VSIG1: variants seen among roughly 807,000 people sequenced by gnomAD.
The protein encoded by VSIG1 is V-set and immunoglobulin domain-containing protein 1.
A neutral mutation model predicts 20.1 loss-of-function variants in VSIG1; 11 were observed. The observed-to-expected ratio is 0.55, with a 90% confidence interval of 0.34 to 0.91. The LOEUF is 0.91. VSIG1 is among the 40% of genes least tolerant of loss of function. The pLI is 0.02. For missense variants in VSIG1, 283 were observed against 298.8 expected, an observed-to-expected ratio of 0.95 and a Z score of 0.39; for synonymous variants, 126 against 116.7, an observed-to-expected ratio of 1.08 and a Z score of -0.52.
At chrX:108,031,185 A>G in the VSIG1 span, among the ~76,000 whole-genome samples, 1 of 112,008 alleles carries the variant, frequency 8.9e-6, no homozygotes, top group East Asian at 2.8e-4. Flanking sequence ...GGAGCATGAA[A>G]TCAGGGAAGG....
At position 108,047,951 on chromosome X, in the gene VSIG1, TATACAC is replaced by T. The variant is rs1294857066; in HGVS notation, c.49+2774_49+2779del. 2.6e-3 allele frequency among the ~76,000 whole-genome samples: 49 copies of T among 18,762 alleles called. 4 individuals carry two copies. Among genetic ancestry groups the T allele is most frequent in the African/African-American group, 0.015 (47 of 3,132 alleles). The allele number at this position is 18,762 out of a possible 115,157, so 16.3% of individuals were successfully genotyped here. A position where few individuals can be genotyped will look rare whatever the true frequency, so the allele number is the denominator to read the frequency against. On this transcript the variant is annotated intron_variant, in intron 1 of 6. Transcript: ENST00000217957. ...ATATATATACACATATATATATATATATACACACACATATATATATATATATATATA... is the reference window on the plus strand; with the variant it reads ...ATATATATACACATATATATATATATACACATATATATATATATATATATA...
chrX:108,023,282 A>G, the VSIG1 span, among the ~76,000 whole-genome samples: 2 of 111,914 alleles, frequency 1.8e-5, no homozygotes, highest in Non-Finnish European at 3.8e-5. Context: ...GTTTTCATAC[A>G]CTGAACTAAC....
At chrX:108,060,004 G>A (rs2030989920) in intron 2 of VSIG1, among the ~76,000 whole-genome samples, 1 of 111,811 alleles carries the variant, frequency 8.9e-6, no homozygotes. Flanking sequence ...TGTGTGTCTA[G>A]TGAGGAACTG....
At chrX:108,031,566 G>C in the VSIG1 span, among the ~76,000 whole-genome samples, 190 of 111,831 alleles carry the variant, frequency 1.7e-3, 1 homozygote, top group African/African-American at 6.0e-3. Context: ...AGCCATGTGG[G>C]CCTGCTGGGG....
At position 108,051,909 on chromosome X, in the gene VSIG1, C is replaced by G. The variant is rs922420668; in HGVS notation, c.50-6129C>G. Among the ~76,000 whole-genome samples the G allele has an allele frequency of 3.6e-5, 4 of 111,809 alleles. No individual in the cohort carries two copies. The South Asian group carries it at 1.1e-3, about 31-fold the overall frequency. ...CACAGAAAGACAAACACCACATAATCTCACTTATATGTGAGATCTAAAAGA... is the reference window on the plus strand; with the variant it reads ...CACAGAAAGACAAACACCACATAATGTCACTTATATGTGAGATCTAAAAGA... On this transcript the variant is annotated intron_variant, in intron 1 of 6. Coordinates refer to ENST00000217957, the MANE Select transcript of VSIG1 (RefSeq NM_182607.5).
At chrX:108,027,219 CA>C in the VSIG1 span, among the ~76,000 whole-genome samples, 1 of 111,651 alleles carries the variant, frequency 9.0e-6, no homozygotes, top group African/African-American at 3.2e-5. Flanking sequence ...AAATCCTATG[CA>C]TAAATGTTCA....
chrX:108,024,026 G>T, the VSIG1 span, among the ~76,000 whole-genome samples: 9 of 111,567 alleles, frequency 8.1e-5, no homozygotes, highest in South Asian at 3.4e-3. Context: ...TGGATTGCAG[G>T]GGAGATGTTG....
chrX:108,072,920 C>A, intron 4 of VSIG1, 88 bp downstream of exon 4: 1 of 969,128 alleles, frequency 1.0e-6, no homozygotes, highest in Non-Finnish European at 1.4e-6. Flanking sequence ...CTTGACCTTA[C>A]AGTTCAATCT....
intron 2 of VSIG1, among the ~76,000 whole-genome samples, chrX:108,061,831 T>G (rs1311516481): frequency 9.1e-6 from 1 of 110,133 alleles, no homozygotes; most frequent in Admixed American, 9.6e-5. Flanking sequence ...GATTAGCAAT[T>G]GACTCTGAGG....
the VSIG1 span, among the ~76,000 whole-genome samples, chrX:108,030,945 G>A: frequency 8.9e-6 from 1 of 112,277 alleles, no homozygotes. Context: ...AAAGTTTCAA[G>A]CAAGGAAAAA....
chrX:108,028,788 C>A, the VSIG1 span, among the ~76,000 whole-genome samples: 5 of 111,279 alleles, frequency 4.5e-5, no homozygotes, highest in African/African-American at 1.6e-4. Flanking sequence ...AAGAGATAAG[C>A]GAAGGGTTAG....
chrX:108,061,499 A>G, intron 2 of VSIG1: 1 of 1,167,178 alleles, frequency 8.6e-7, no homozygotes. Context: ...TGACGCACGC[A>G]AGAGACGCTC....
chrX:108,069,173 T>C (rs1025616458), intron 3 of VSIG1, among the ~76,000 whole-genome samples: 1 of 110,995 alleles, frequency 9.0e-6, no homozygotes, highest in Non-Finnish European at 1.9e-5. Context: ...AATTTAAAGC[T>C]CAGAGGATCC....
intron 2 of VSIG1, among the ~76,000 whole-genome samples, chrX:108,059,195 T>C (rs976231002): frequency 9.0e-6 from 1 of 110,776 alleles, no homozygotes; most frequent in African/African-American, 3.3e-5. Context: ...AGTAGAAAGA[T>C]AGAGGGAGAG....
At position 108,058,217 on chromosome X, in the gene VSIG1, C is replaced by T; in HGVS notation, c.213+16C>T. 8.4e-7 allele frequency: 1 copy of T among 1,193,610 alleles called. No individual in the cohort carries two copies. ...GCCAATTTCTGTAAGGACACTTTTTCCTAAACTCTTCCCCTTTTGTAGTTC... is the reference window on the plus strand; with the variant it reads ...GCCAATTTCTGTAAGGACACTTTTTTCTAAACTCTTCCCCTTTTGTAGTTC... On this transcript the variant is annotated intron_variant, in intron 2 of 6. Transcript: ENST00000217957.
intron 1 of VSIG1, among the ~76,000 whole-genome samples, chrX:108,057,217 T>C (rs1380204678): frequency 8.9e-6 from 1 of 112,385 alleles, no homozygotes; most frequent in Non-Finnish European, 1.9e-5. Context: ...AGATTAGTGG[T>C]TGTCCATGGT....
the VSIG1 span, among the ~76,000 whole-genome samples, chrX:108,027,473 T>C: frequency 8.9e-6 from 1 of 111,746 alleles, no homozygotes; most frequent in Non-Finnish European, 1.9e-5. Context: ...ATCCATAAAG[T>C]TGGAAAGAAG....
In VSIG1 at chrX:108,077,517, G is replaced by A; in HGVS notation, c.*136G>A. 1 of 724,975 alleles carries A rather than the reference G, an allele frequency of 1.4e-6. No individual in the cohort carries two copies. Among genetic ancestry groups the A allele is most frequent in the Non-Finnish European group, 2.0e-6 (1 of 497,141 alleles). 59.7% of individuals were successfully genotyped at this position (724,975 alleles called of 1,213,427 possible). A position where few individuals can be genotyped will look rare whatever the true frequency, so the allele number is the denominator to read the frequency against. On this transcript the variant is annotated 3_prime_UTR_variant, in exon 7 of 7. Coordinates refer to ENST00000217957, the MANE Select transcript of VSIG1 (RefSeq NM_182607.5). ...CTAACAAGGTGCTCATTCCTACTAT[G>A]AATCCAGAATAAACACGCCAAGATA... is the stretch of plus-strand genomic sequence containing the variant.
In VSIG1 at chrX:108,066,268, GAGA is replaced by G. The variant is rs755835967; in HGVS notation, c.214-666_214-664del. Among the ~76,000 whole-genome samples the G allele has an allele frequency of 7.2e-4, 80 of 111,620 alleles. 2 individuals are homozygous for G. In the East Asian group the frequency reaches 0.021, roughly 29 times the overall value. On this transcript the variant is annotated intron_variant, in intron 2 of 6. Coordinates refer to ENST00000217957, the MANE Select transcript of VSIG1 (RefSeq NM_182607.5). ...CCAGTTCTGCCTTCTGCCACATGGGGAGAAAGATGGTAGCTATCATTGGCTGAG... is the reference window on the plus strand; with the variant it reads ...CCAGTTCTGCCTTCTGCCACATGGGGAAGATGGTAGCTATCATTGGCTGAG...
Sources: allele counts gnomAD v4.1 joint callset (sites outside exome capture counted in the v4.1 genomes callset), GRCh38; gene constraint gnomAD v4.1.1; transcripts MANE v1.5; gene names NCBI Gene and HGNC (gene_info 2026-07-23, HGNC 2026-07-21).